The following NWD2 variants were observed in gnomAD, a reference collection of about 807,000 sequenced individuals.
The protein encoded by NWD2 is NACHT and WD repeat domain containing 2.
Under a neutral mutation model 132.7 loss-of-function variants are expected in NWD2, and 37 were observed. That is an observed-to-expected ratio of 0.28 (90% confidence interval 0.21 to 0.37). NWD2 has a LOEUF of 0.37. Among genes scored for constraint, NWD2 ranks in the 10% least tolerant of loss-of-function variants. The probability of loss-of-function intolerance (pLI) is 1.00; values close to 1 mark genes in which losing one functional copy is unlikely to be tolerated. For synonymous variants in NWD2, 705 were observed against 803.0 expected, an observed-to-expected ratio of 0.88 and a Z score of 2.06; for missense variants, 1,592 against 2,122.4, an observed-to-expected ratio of 0.75 and a Z score of 4.91.
At chr4:37,360,145 A>G (rs1719950448) in intron 3 of NWD2, among the ~76,000 whole-genome samples, 1 of 152,198 alleles carries the variant, frequency 6.6e-6, no homozygotes, top group Admixed American at 6.5e-5. Context: ...ACAATAAACT[A>G]AAAGTAAATT....
intron 1 of NWD2, among the ~76,000 whole-genome samples, chr4:37,292,710 T>C (rs950704737): frequency 1.3e-5 from 2 of 152,306 alleles, no homozygotes; most frequent in South Asian, 2.1e-4. Context: ...AACTTTTCCA[T>C]GGATCAGGGA....
chr4:37,376,286 A>C (rs1224450719), intron 3 of NWD2, among the ~76,000 whole-genome samples: 3 of 152,250 alleles, frequency 2.0e-5, no homozygotes, highest in Non-Finnish European at 2.9e-5. Flanking sequence ...TCAGCTCTGA[A>C]TAGTGTCACT....
chr4:37,431,439 T>G (rs74774183), intron 4 of NWD2, among the ~76,000 whole-genome samples: 110 of 152,308 alleles, frequency 7.2e-4, no homozygotes, highest in African/African-American at 2.6e-3. Flanking sequence ...AAATACCATA[T>G]GATCTCACTT....
At chr4:37,287,467 G>A (rs924916342) in intron 1 of NWD2, among the ~76,000 whole-genome samples, 1 of 152,234 alleles carries the variant, frequency 6.6e-6, no homozygotes, top group African/African-American at 2.4e-5. Context: ...GAGCCAGGGA[G>A]ACTGGATGGC....
intron 1 of NWD2, among the ~76,000 whole-genome samples, chr4:37,276,144 C>A (rs913488624): frequency 6.6e-6 from 1 of 151,994 alleles, no homozygotes; most frequent in African/African-American, 2.4e-5. Context: ...AAAAAAACTA[C>A]CATTGGAGTG....
chr4:37,299,684 T>C (rs78743229), intron 1 of NWD2, among the ~76,000 whole-genome samples: 2 of 152,260 alleles, frequency 1.3e-5, no homozygotes, highest in East Asian at 1.9e-4. Flanking sequence ...GACTTGCTGA[T>C]TGGTGAATTA....
At chr4:37,255,882 A>G (rs567692754) in intron 1 of NWD2, among the ~76,000 whole-genome samples, 1 of 152,278 alleles carries the variant, frequency 6.6e-6, no homozygotes, top group East Asian at 1.9e-4. Context: ...CCACCACTAC[A>G]GGTGGCACGA....
intron 3 of NWD2, among the ~76,000 whole-genome samples, chr4:37,360,728 G>A (rs1488752178): frequency 6.6e-6 from 1 of 152,152 alleles, no homozygotes; most frequent in Non-Finnish European, 1.5e-5. Flanking sequence ...AGAGGGAGAG[G>A]AATACGGCCT....
intron 3 of NWD2, among the ~76,000 whole-genome samples, chr4:37,375,350 TTAAC>T (rs1490963296): frequency 6.6e-6 from 1 of 152,192 alleles, no homozygotes; most frequent in Non-Finnish European, 1.5e-5. Context: ...CATTAATATT[TTAAC>T]TAATATTTTA....
chr4:37,409,861 TAAAG>T (rs1052978502), intron 3 of NWD2, among the ~76,000 whole-genome samples: 7 of 152,184 alleles, frequency 4.6e-5, no homozygotes, highest in African/African-American at 1.4e-4. Flanking sequence ...TCAACATTCT[TAAAG>T]AAAAGAATTT....
At chr4:37,410,494 A>T (rs1721133162) in intron 3 of NWD2, among the ~76,000 whole-genome samples, 1 of 152,248 alleles carries the variant, frequency 6.6e-6, no homozygotes, top group African/African-American at 2.4e-5. Context: ...CACCAGATTC[A>T]TAAAGCAAGT....
chr4:37,258,231 G>C (rs994990313), intron 1 of NWD2, among the ~76,000 whole-genome samples: 2 of 152,256 alleles, frequency 1.3e-5, no homozygotes, highest in Non-Finnish European at 2.9e-5. Context: ...CAAATCTCTT[G>C]CATGATTAAA....
intron 3 of NWD2, among the ~76,000 whole-genome samples, chr4:37,398,100 T>A (rs1720834391): frequency 6.6e-6 from 1 of 152,218 alleles, no homozygotes; most frequent in African/African-American, 2.4e-5. Flanking sequence ...TGGGCAGGCA[T>A]TGTTCAAAGC....
chr4:37,335,255 A>G (rs936584), intron 2 of NWD2, among the ~76,000 whole-genome samples: 140,071 of 140,100 alleles, frequency 1, 70,021 homozygotes, highest in Middle Eastern at 1. Context: ...TTCCTTTCCC[A>G]CCCTGAATTT....
intron 3 of NWD2, among the ~76,000 whole-genome samples, chr4:37,383,173 C>T (rs17576136): frequency 0.046 from 7,006 of 152,172 alleles, 352 homozygotes; most frequent in East Asian, 0.17. Flanking sequence ...TAGGAAGACC[C>T]GAGAATTTCT....
chr4:37,340,052 TA>T (rs1719488029), intron 2 of NWD2, among the ~76,000 whole-genome samples: 1 of 151,846 alleles, frequency 6.6e-6, no homozygotes, highest in Admixed American at 6.6e-5. Context: ...CTTCATATAA[TA>T]AAAAGAGCAC....
chr4:37,361,218 C>T (rs75616163), intron 3 of NWD2, among the ~76,000 whole-genome samples: 17,636 of 152,052 alleles, frequency 0.12, 1,333 homozygotes, highest in Middle Eastern at 0.18. Flanking sequence ...GAACCAGATA[C>T]ATTCACAGAC....
chr4:37,372,995 C>T (rs1371400520), intron 3 of NWD2, among the ~76,000 whole-genome samples: 2 of 152,158 alleles, frequency 1.3e-5, no homozygotes, highest in East Asian at 3.8e-4. Flanking sequence ...ATGCTAAAAT[C>T]AAGACTAAAT....
intron 3 of NWD2, among the ~76,000 whole-genome samples, chr4:37,363,600 A>G (rs747356390): frequency 6.7e-4 from 102 of 152,304 alleles, no homozygotes; most frequent in Admixed American, 1.6e-3. Flanking sequence ...ACTCATGGAC[A>G]TAAAGCTGGC....
Sources: gnomAD v4.1 joint callset for allele counts (sites outside exome capture counted in the v4.1 genomes callset) on GRCh38, gnomAD v4.1.1 for gene constraint, MANE v1.5 for transcripts, NCBI Gene and HGNC (gene_info 2026-07-23, HGNC 2026-07-21) for gene names.